Variants in ZBTB20 observed in about 807,000 individuals in gnomAD.
ZBTB20 encodes zinc finger and BTB domain containing 20.
Under a neutral mutation model 56.9 loss-of-function variants are expected in ZBTB20, and 9 were observed. The observed-to-expected ratio is 0.16, with a 90% confidence interval of 0.10 to 0.28. The LOEUF is 0.28. Ranked by LOEUF, ZBTB20 falls within the 10% of genes least tolerant of loss-of-function variation. ZBTB20 has a pLI of 1.00. For synonymous variants in ZBTB20, 417 were observed against 420.7 expected, an observed-to-expected ratio of 0.99 and a Z score of 0.11; for missense variants, 655 against 1,003.0, an observed-to-expected ratio of 0.65 and a Z score of 4.69.
At chr3:114,635,056 TC>T (rs959470286) in intron 6 of ZBTB20, among the ~76,000 whole-genome samples, 3 of 152,182 alleles carry the variant, frequency 2.0e-5, no homozygotes, top group African/African-American at 7.2e-5. Context: ...ATTTCAGAGT[TC>T]CCTCTGTGAA....
At chr3:114,550,650 T>A (rs1455627545) in intron 6 of ZBTB20, among the ~76,000 whole-genome samples, 1 of 152,208 alleles carries the variant, frequency 6.6e-6, no homozygotes, top group Non-Finnish European at 1.5e-5. Context: ...AATTTCTTAT[T>A]TTCTGGTTCC....
At chr3:114,844,543 AAAAAAAAAAC>A (rs2074582441) in intron 4 of ZBTB20, among the ~76,000 whole-genome samples, 1 of 139,418 alleles carries the variant, frequency 7.2e-6, no homozygotes, top group Non-Finnish European at 1.5e-5. Context: ...AAAAAAAAAA[AAAAAAAAAAC>A]TTTCATTTCT....
intron 6 of ZBTB20, chr3:114,658,655 A>G (rs563849216): frequency 6.6e-6 from 1 of 152,304 alleles, no homozygotes; most frequent in East Asian, 1.9e-4. Context: ...GTTCATTTTC[A>G]TGGAGCAGCC....
chr3:114,414,771 A>G lies in ZBTB20; in HGVS notation c.-254-25666T>C, dbSNP rs140124324. ...TATATAAAATATAAAATGCTATATG[A>G]TAGTATATAAAATACTATATATTTT... On this transcript the variant is annotated intron_variant, in intron 7 of 11. Coordinates refer to ENST00000675478, the MANE Select transcript of ZBTB20 (RefSeq NM_001348800.3). Among the ~76,000 whole-genome samples, 352 of 148,096 alleles carry G rather than the reference A, an allele frequency of 2.4e-3. 3 individuals are homozygous for G. The highest frequency in any genetic ancestry group is 2.7e-3 in the Non-Finnish European group (183 of 67,160).
intron 1 of ZBTB20, among the ~76,000 whole-genome samples, chr3:115,103,968 C>G (rs958343854): frequency 1.3e-5 from 2 of 152,110 alleles, no homozygotes; most frequent in African/African-American, 4.8e-5. Flanking sequence ...GGACTGTTAT[C>G]TAAAACATGC....
intron 2 of ZBTB20, among the ~76,000 whole-genome samples, chr3:115,004,337 T>C (rs1313248650): frequency 6.6e-6 from 1 of 151,772 alleles, no homozygotes; most frequent in Non-Finnish European, 1.5e-5. Flanking sequence ...ATGCCTTGCC[T>C]ATAATCTCCG....
intron 4 of ZBTB20, among the ~76,000 whole-genome samples, chr3:114,816,370 G>A (rs1050054431): frequency 6.6e-6 from 1 of 152,068 alleles, no homozygotes; most frequent in African/African-American, 2.4e-5. Flanking sequence ...GAGAAATGGT[G>A]GCTAAAAAAT....
At chr3:114,948,287 A>G (rs541829742) in intron 3 of ZBTB20, among the ~76,000 whole-genome samples, 1 of 145,766 alleles carries the variant, frequency 6.9e-6, no homozygotes, top group South Asian at 2.2e-4. Context: ...ACACCAACTC[A>G]GCAAACTCAC....
chr3:114,747,511 C>A (rs1046996038), intron 5 of ZBTB20, among the ~76,000 whole-genome samples: 2 of 152,114 alleles, frequency 1.3e-5, no homozygotes, highest in Admixed American at 1.3e-4. Context: ...TTGCAGTGAG[C>A]AAAGACTGAG....
chr3:114,853,252 A>G (rs139726910), intron 4 of ZBTB20, among the ~76,000 whole-genome samples: 1,697 of 152,248 alleles, frequency 0.011, 17 homozygotes, highest in South Asian at 0.026. Context: ...TTCCTGTTGC[A>G]TGTAAGTAAC....
chr3:115,107,775 A>G (rs1376901209), intron 1 of ZBTB20, among the ~76,000 whole-genome samples: 4 of 152,268 alleles, frequency 2.6e-5, no homozygotes, highest in Admixed American at 2.6e-4. Context: ...GGTAAAGAAA[A>G]TGTTGTACAT....
chr3:114,868,948 TATG>T (rs1273905457), intron 4 of ZBTB20, among the ~76,000 whole-genome samples: 2 of 152,048 alleles, frequency 1.3e-5, no homozygotes, highest in Non-Finnish European at 2.9e-5. Flanking sequence ...AAAGGTTCCA[TATG>T]ATAAGAATGT....
At chr3:114,511,224 T>C (rs1266825640) in intron 6 of ZBTB20, among the ~76,000 whole-genome samples, 1 of 151,986 alleles carries the variant, frequency 6.6e-6, no homozygotes, top group African/African-American at 2.4e-5. Flanking sequence ...AAGAATCTCA[T>C]TGGATAAATC....
At chr3:114,938,324 G>A (rs1256735094) in intron 3 of ZBTB20, among the ~76,000 whole-genome samples, 1 of 145,786 alleles carries the variant, frequency 6.9e-6, no homozygotes, top group Non-Finnish European at 1.5e-5. Context: ...TGCTTTTGGT[G>A]TTTTAGTCAT....
intron 6 of ZBTB20, among the ~76,000 whole-genome samples, chr3:114,503,624 G>A (rs2044260381): frequency 6.6e-6 from 1 of 152,002 alleles, no homozygotes; most frequent in South Asian, 2.1e-4. Context: ...TTTGCATTAA[G>A]CACACTTTGT....
Position 114,322,249 on chromosome 3 carries a change from T to C in ZBTB20, c.*16756A>G, listed in dbSNP as rs2078920574. ...TCCATCAGTCTCCAGGTCATGACTC[T>C]ATTAAAGATCATTTACAGTGTCAAG... On this transcript the variant is annotated 3_prime_UTR_variant, in exon 12 of 12. Transcript: ENST00000675478. 6.6e-6 allele frequency: 1 copy of C among 152,250 alleles called. No homozygotes were observed. The highest frequency in any genetic ancestry group is 1.5e-5 in the Non-Finnish European group (1 of 68,052). 9.4% of individuals were successfully genotyped at this position (152,250 alleles called of 1,614,324 possible). A position where few individuals can be genotyped will look rare whatever the true frequency, so the allele number is the denominator to read the frequency against.
At chr3:114,780,959 T>C (rs1578838474) in intron 5 of ZBTB20, among the ~76,000 whole-genome samples, 1 of 152,266 alleles carries the variant, frequency 6.6e-6, no homozygotes, top group Admixed American at 6.5e-5. Flanking sequence ...TTCCCCAGAA[T>C]ATGCAAGTTG....
At chr3:114,490,226 T>G (rs2042584742) in intron 7 of ZBTB20, among the ~76,000 whole-genome samples, 1 of 152,076 alleles carries the variant, frequency 6.6e-6, no homozygotes, top group Admixed American at 6.5e-5. Context: ...TATTTATTGA[T>G]TGATTGATTT....
At chr3:114,989,521 AAGTC>A (rs1311881038) in intron 2 of ZBTB20, among the ~76,000 whole-genome samples, 9 of 152,168 alleles carry the variant, frequency 5.9e-5, no homozygotes, top group African/African-American at 2.2e-4. Context: ...GTATAGTTTG[AAGTC>A]AGTTAGTGTG....
Sources: allele counts gnomAD v4.1 joint callset (sites outside exome capture counted in the v4.1 genomes callset), GRCh38; gene constraint gnomAD v4.1.1; transcripts MANE v1.5; gene names NCBI Gene and HGNC (gene_info 2026-07-23, HGNC 2026-07-21).